The following JAM3 variants were observed in gnomAD, a reference collection of about 807,000 sequenced individuals.
The protein encoded by JAM3 is junctional adhesion molecule C.
A neutral mutation model predicts 39.4 loss-of-function variants in JAM3; 31 were observed. That is an observed-to-expected ratio of 0.79 (90% confidence interval 0.59 to 1.06). The LOEUF is 1.06. Ranked by LOEUF, JAM3 falls within the 50% of genes least tolerant of loss-of-function variation. JAM3 has a pLI of 0.00. For missense variants in JAM3, 455 were observed against 391.4 expected, an observed-to-expected ratio of 1.16 and a Z score of -1.37; for synonymous variants, 182 against 148.7, an observed-to-expected ratio of 1.22 and a Z score of -1.63.
chr11:134,082,693 T>G (rs768328757), intron 1 of JAM3, among the ~76,000 whole-genome samples: 1 of 152,186 alleles, frequency 6.6e-6, no homozygotes, highest in Admixed American at 6.5e-5. Flanking sequence ...CTATTTCTTT[T>G]GCAAATTGCC....
chr11:134,099,208 A>T (rs1172791223), intron 1 of JAM3, among the ~76,000 whole-genome samples: 1 of 152,110 alleles, frequency 6.6e-6, no homozygotes, highest in African/African-American at 2.4e-5. Flanking sequence ...TTCAAAAAAT[A>T]AAAATAAAAA....
chr11:134,135,563 A>T (rs1429537271), intron 1 of JAM3, among the ~76,000 whole-genome samples: 3 of 148,708 alleles, frequency 2.0e-5, no homozygotes, highest in East Asian at 2.0e-4. Context: ...TTTGAGATGG[A>T]GTCTCACTCT....
intron 1 of JAM3, among the ~76,000 whole-genome samples, chr11:134,072,969 A>G (rs764415701): frequency 6.6e-6 from 1 of 152,224 alleles, no homozygotes; most frequent in Non-Finnish European, 1.5e-5. Context: ...GTCAAAGTTG[A>G]ATGCAAATTT....
intron 1 of JAM3, among the ~76,000 whole-genome samples, chr11:134,075,449 A>G (rs1176328563): frequency 6.6e-6 from 1 of 152,184 alleles, no homozygotes; most frequent in Non-Finnish European, 1.5e-5. Context: ...CCTGCCAATT[A>G]CTGAAAACTA....
At chr11:134,091,150 G>C (rs1220845680) in intron 1 of JAM3, among the ~76,000 whole-genome samples, 1 of 152,118 alleles carries the variant, frequency 6.6e-6, no homozygotes, top group Admixed American at 6.6e-5. Flanking sequence ...GTTAAAAGTG[G>C]TCATCTGAGG....
chr11:134,139,866 C>T lies in JAM3; in HGVS notation c.92C>T (p.Ala31Val), dbSNP rs1942942813. The T allele has an allele frequency of 1.2e-6, 2 of 1,613,764 alleles. No homozygotes were observed. Among genetic ancestry groups the T allele is most frequent in the African/African-American group, 1.3e-5 (1 of 74,928 alleles). The part of the protein sequence containing the change: ...LLLFRGCLIG[A>V]VNLKSSNRTP... ...TCTCCTTCAGGCTGCCTGATAGGGG[C>T]TGTAAATCTCAAATCCAGCAATCGA... is the stretch of plus-strand genomic sequence containing the variant. Residue 31 changes from alanine (A) to valine (V), a missense_variant, in exon 2 of 9, where the codon GCT becomes GTT. Coordinates refer to ENST00000299106, the MANE Select transcript of JAM3 (RefSeq NM_032801.5).
chr11:134,091,852 C>G (rs996906363), intron 1 of JAM3, among the ~76,000 whole-genome samples: 4 of 121,164 alleles, frequency 3.3e-5, no homozygotes, highest in Non-Finnish European at 5.1e-5. Context: ...TTTTTTTTTT[C>G]TTTAACTGTA....
At chr11:134,125,564 G>T (rs1942633077) in intron 1 of JAM3, among the ~76,000 whole-genome samples, 1 of 152,112 alleles carries the variant, frequency 6.6e-6, no homozygotes, top group African/African-American at 2.4e-5. Context: ...TTTTTACTTT[G>T]TACTTGTAGC....
At chr11:134,130,098 G>C (rs1300502524) in intron 1 of JAM3, among the ~76,000 whole-genome samples, 2 of 152,116 alleles carry the variant, frequency 1.3e-5, no homozygotes, top group South Asian at 4.1e-4. Flanking sequence ...TAAGCACATC[G>C]AGTAGTTACC....
chr11:134,147,791 G>A (rs952071482), intron 6 of JAM3: 1 of 152,404 alleles, frequency 6.6e-6, no homozygotes, highest in Non-Finnish European at 1.5e-5. Context: ...CGGCCTGCAA[G>A]TTGATTTTTA....
intron 1 of JAM3, among the ~76,000 whole-genome samples, chr11:134,083,050 T>C (rs2120601022): frequency 6.6e-6 from 1 of 152,364 alleles, no homozygotes; most frequent in African/African-American, 2.4e-5. Context: ...TTTCTATGTA[T>C]ATTTCCAGCT....
chr11:134,116,433 G>T (rs1349176149), intron 1 of JAM3, among the ~76,000 whole-genome samples: 1 of 152,136 alleles, frequency 6.6e-6, no homozygotes, highest in Non-Finnish European at 1.5e-5. Flanking sequence ...GCATATTAGT[G>T]TGGATTTATG....
rs550482165 is a variant in JAM3, at chr11:134,148,805, G to A, written c.884G>A (p.Arg295His). 5.3e-5 allele frequency: 86 copies of A among 1,614,046 alleles called. No individual in the cohort carries two copies. The highest frequency in any genetic ancestry group is 1.6e-4 in the Middle Eastern group (1 of 6,062). Residue 295 changes from arginine (R) to histidine (H), a missense_variant, in exon 8 of 9, where the codon CGC becomes CAC. Coordinates refer to ENST00000299106, the MANE Select transcript of JAM3 (RefSeq NM_032801.5). ...PGKPDGVNYIRTDEEGDFRHK... is the reference protein window; with the variant it reads ...PGKPDGVNYIHTDEEGDFRHK... ...AAACCAGATGGAGTTAACTACATCCGCACTGACGAGGAGGTAATCATTTAG... is the reference window on the plus strand; with the variant it reads ...AAACCAGATGGAGTTAACTACATCCACACTGACGAGGAGGTAATCATTTAG...
At chr11:134,137,210 T>G (rs188529136) in intron 1 of JAM3, among the ~76,000 whole-genome samples, 15 of 152,330 alleles carry the variant, frequency 9.8e-5, no homozygotes, top group Admixed American at 9.1e-4. Context: ...TTAGCTTCTT[T>G]GAAGTTGTAA....
intron 4 of JAM3, 88 bp from the exon 5 acceptor site, chr11:134,144,704 C>G (rs1490333303): frequency 8.0e-7 from 1 of 1,246,530 alleles, no homozygotes. Flanking sequence ...GACTGGCTGT[C>G]TTGTCTTTGG....
intron 1 of JAM3, among the ~76,000 whole-genome samples, chr11:134,075,497 T>C (rs1256729136): frequency 2.8e-5 from 4 of 141,032 alleles, no homozygotes; most frequent in Admixed American, 2.8e-4. Flanking sequence ...ATCTGGGGTC[T>C]TAGTGAGCTT....
rs191496658 is a variant in JAM3 at position 134,144,517 on chromosome 11, C to A, written c.409+124C>A. On this transcript the variant is annotated intron_variant, in intron 4 of 8. Transcript: ENST00000299106. ...TTCACATGGCTTAGGGAGGGGAGAA[C>A]TGTTGAGAGCTGAGACTGCCTGAGT... 3,809 of 1,180,024 alleles carry A rather than the reference C, an allele frequency of 3.2e-3. 8 individuals are homozygous for A. Among genetic ancestry groups the A allele is most frequent in the Non-Finnish European group, 3.8e-3 (3,009 of 795,416 alleles). The allele number at this position is 1,180,024 out of a possible 1,614,324, so 73.1% of individuals were successfully genotyped here.
intron 1 of JAM3, among the ~76,000 whole-genome samples, chr11:134,087,313 G>A (rs1565483765): frequency 6.6e-6 from 1 of 152,142 alleles, no homozygotes; most frequent in Non-Finnish European, 1.5e-5. Flanking sequence ...AAGTATTTCT[G>A]TTTAAGAATC....
chr11:134,132,470 G>A (rs781143787), intron 1 of JAM3, among the ~76,000 whole-genome samples: 30 of 152,168 alleles, frequency 2.0e-4, no homozygotes, highest in Non-Finnish European at 2.6e-4. Context: ...ACAATAATTC[G>A]AAGGTGTATG....
Sources: allele counts gnomAD v4.1 joint callset (sites outside exome capture counted in the v4.1 genomes callset), GRCh38; gene constraint gnomAD v4.1.1; transcripts MANE v1.5; gene names NCBI Gene and HGNC (gene_info 2026-07-23, HGNC 2026-07-21).